BRD1: variants seen among roughly 807,000 people sequenced by gnomAD.
BRD1 encodes the protein bromodomain containing 1.
In BRD1, 24 loss-of-function variants were observed where a neutral mutation model predicts 107.7. The observed-to-expected ratio is 0.22, with a 90% CI of 0.16 to 0.31. The LOEUF (loss-of-function observed/expected upper bound fraction) is 0.31. Among genes scored for constraint, BRD1 ranks in the 10% least tolerant of loss-of-function variants. BRD1 has a pLI of 1.00. For synonymous variants in BRD1, 744 were observed against 686.1 expected (o/e 1.08, Z -1.32); for missense variants, 1,279 against 1,638.6 (o/e 0.78, Z 3.79).
chr22:49,777,196 C>T (rs747925119), intron 9 of BRD1, 35 bp from the exon 10 acceptor site: 3 of 1,606,124 alleles, frequency 1.9e-6, no homozygotes, highest in East Asian at 2.2e-5. Context: ...TCAGGCGCCC[C>T]GCCCCTGCCT....
Position 49,776,170 on chromosome 22 carries a change from G to A in BRD1, c.3122-11C>T, listed in dbSNP as rs375217643. On this transcript the variant is annotated splice_polypyrimidine_tract_variant and intron_variant, in intron 10 of 12. Coordinates refer to ENST00000404760, the MANE Select transcript of BRD1 (RefSeq NM_001304808.3). ...TGCTCTGGCCGACTTCTGCGGAGAG[G>A]GGCGTCAGCAGGACACAGGCGTCAG... 34 of 1,600,910 alleles carry A rather than the reference G, an allele frequency of 2.1e-5. No individual in the cohort carries two copies. Among genetic ancestry groups the A allele is most frequent in the Admixed American group, 3.3e-5 (2 of 59,898 alleles).
In BRD1 at chr22:49,823,780, C is replaced by T. The variant is rs111730431; in HGVS notation, c.538G>A (p.Ala180Thr). Residue 180 changes from alanine (A) to threonine (T), a missense_variant, in exon 2 of 13, where the codon GCC (alanine) becomes ACC (threonine). By Grantham distance (58) the Ala-to-Thr change is moderately conservative (BLOSUM62 0). Coordinates refer to ENST00000404760, the MANE Select transcript of BRD1 (RefSeq NM_001304808.3). ...AACTCAAACATGCTCTGCGACACGG[C>T]GGGGACGCAGTCGCCCTTGCGCTTC... ...NEKRKGDCVP[A>T]VSQSMFEFLM... 1.9e-5 allele frequency: 30 copies of T among 1,614,012 alleles called. No individual in the cohort carries two copies. Among genetic ancestry groups the T allele is most frequent in the South Asian group, 3.3e-5 (3 of 91,094 alleles).
chr22:49,824,461 CCT>C lies in BRD1; in HGVS notation c.-14-132_-14-131del. The C allele has an allele frequency of 6.9e-7, 1 of 1,455,972 alleles. No homozygotes were observed. Among genetic ancestry groups the C allele is most frequent in the South Asian group, 1.4e-5 (1 of 69,594 alleles). 90.2% of individuals were successfully genotyped at this position (1,455,972 alleles called of 1,614,324 possible). A position where few individuals can be genotyped will look rare whatever the true frequency, so the allele number is the denominator to read the frequency against. On this transcript the variant is annotated intron_variant, in intron 1 of 12. Transcript: ENST00000404760. The surrounding 1 kb of genome is among the most constrained non-coding windows in gnomAD (Gnocchi z 5.9). ...CAATCAAAGCAAAACTCACAGCTAACCTCTTTCCAAGGTGTCCAAAACCACAC... is the reference window on the plus strand; with the variant it reads ...CAATCAAAGCAAAACTCACAGCTAACCTTTCCAAGGTGTCCAAAACCACAC...
Position 49,794,256 on chromosome 22 carries a change from C to T in BRD1, c.2137G>A (p.Gly713Ser). The T allele has an allele frequency of 6.2e-7, 1 of 1,613,524 alleles. No homozygotes were observed. The highest frequency in any genetic ancestry group is 8.5e-7 in the Non-Finnish European group (1 of 1,179,628). Residue 713 changes from glycine to serine, a missense_variant, in exon 7 of 13, where the codon GGC (glycine) becomes AGC (serine). Physicochemically the swap from Gly to Ser is moderately conservative, Grantham distance 56. This residue lies in a region of BRD1 where 406 missense variants were observed against 519.4 expected (regional missense o/e 0.78). Transcript: ENST00000404760. ...LLDPANRAHLGLEEQLRELLD... is the reference protein window; with the variant it reads ...LLDPANRAHLSLEEQLRELLD... ...AGCTCTCTCAGCTGCTCCTCCAGGC[C>T]CAGGTGGGCTCTGTTGGCGGGGTCC...
chr22:49,810,370 G>A (rs1410669424), intron 2 of BRD1, among the ~76,000 whole-genome samples: 1 of 152,074 alleles, frequency 6.6e-6, no homozygotes, highest in Non-Finnish European at 1.5e-5. Context: ...ATATATATAT[G>A]TGCACATATA....
At chr22:49,782,572 C>T (rs1199895417) in intron 8 of BRD1, among the ~76,000 whole-genome samples, 1 of 144,402 alleles carries the variant, frequency 6.9e-6, no homozygotes, top group Non-Finnish European at 1.5e-5. Context: ...TGCTGGGACT[C>T]GCTCCGTGAC....
intron 8 of BRD1, among the ~76,000 whole-genome samples, chr22:49,784,572 C>T (rs568807404): frequency 2.6e-5 from 4 of 152,372 alleles, no homozygotes; most frequent in African/African-American, 4.8e-5. Flanking sequence ...TCAGGACCAG[C>T]GACCCTGTTC....
In BRD1 at chr22:49,776,900, C is replaced by T. The variant is rs143250958; in HGVS notation, c.3121+134G>A. ...CCTCGGTGTGTGATGAACCCTTCCC[C>T]GGGAGGTTGGCCAGGGTGGGGCTCC... On this transcript the variant is annotated intron_variant, in intron 10 of 12. Coordinates refer to ENST00000404760, the MANE Select transcript of BRD1 (RefSeq NM_001304808.3). 37 of 1,310,260 alleles carry T rather than the reference C, an allele frequency of 2.8e-5. No homozygotes were observed. The Admixed American group carries it at 4.0e-4, about 14-fold the overall frequency. The allele number at this position is 1,310,260 out of a possible 1,614,324, so 81.2% of individuals were successfully genotyped here. A position where few individuals can be genotyped will look rare whatever the true frequency, so the allele number is the denominator to read the frequency against.
chr22:49,812,688 C>T (rs1032958510), intron 2 of BRD1, among the ~76,000 whole-genome samples: 2 of 152,200 alleles, frequency 1.3e-5, no homozygotes, highest in South Asian at 2.1e-4. Flanking sequence ...ACACTAATGT[C>T]GGGAGGACTC....
chr22:49,797,984 T>C lies in BRD1; in HGVS notation c.1919A>G (p.Lys640Arg), dbSNP rs756372230. 1 of 1,614,246 alleles carries C rather than the reference T, an allele frequency of 6.2e-7. No homozygotes were observed. The highest frequency in any genetic ancestry group is 2.2e-5 in the East Asian group (1 of 44,894). ...GAACACGGTGTCCCTGGCATTGTAC[T>C]TCATGCAGTTATCTATAATGAGATC... is the stretch of plus-strand genomic sequence containing the variant. Reference protein sequence around the residue: ...DFDLIIDNCMKYNARDTVFYR... With the variant: ...DFDLIIDNCMRYNARDTVFYR... The change falls in exon 6 of 13, where the codon AAG becomes AGG. Residue 640 changes from lysine (K) to arginine (R), a missense_variant. Lys to Arg is a conservative substitution (Grantham distance 26, BLOSUM62 2). Coordinates refer to ENST00000404760, the MANE Select transcript of BRD1 (RefSeq NM_001304808.3).
chr22:49,791,665 A>T (rs778971333), intron 7 of BRD1, among the ~76,000 whole-genome samples: 2 of 151,906 alleles, frequency 1.3e-5, no homozygotes, highest in Non-Finnish European at 1.5e-5. Flanking sequence ...TGACTTCCCC[A>T]TTCCAGTCTG....
At chr22:49,796,634 A>G (rs2059537485) in intron 6 of BRD1, among the ~76,000 whole-genome samples, 1 of 152,266 alleles carries the variant, frequency 6.6e-6, no homozygotes, top group Admixed American at 6.5e-5. Flanking sequence ...CTGGGATTAC[A>G]GGCATGAGCC....
At chr22:49,822,357 G>A (rs1248578000) in intron 2 of BRD1, among the ~76,000 whole-genome samples, 1 of 151,854 alleles carries the variant, frequency 6.6e-6, no homozygotes, top group Non-Finnish European at 1.5e-5. Flanking sequence ...CCTGGCAGCA[G>A]AGGTTGCAGA....
Position 49,827,681 on chromosome 22 carries a change from G to A in BRD1, c.-199C>T, listed in dbSNP as rs1240089176. ...CTCCGGGCCCGGCAGCGGCGGCCGCGGACTCTCGGGCAGCGGCTCGCGCGG... is the reference window on the plus strand; with the variant it reads ...CTCCGGGCCCGGCAGCGGCGGCCGCAGACTCTCGGGCAGCGGCTCGCGCGG... On this transcript the variant is annotated 5_prime_UTR_variant, in exon 1 of 13. Transcript: ENST00000404760. Among the ~76,000 whole-genome samples the A allele has an allele frequency of 6.9e-6, 1 of 145,278 alleles. No individual in the cohort carries two copies. The highest frequency in any genetic ancestry group is 1.5e-5 in the Non-Finnish European group (1 of 65,496).
chr22:49,795,935 G>C (rs999578267), intron 6 of BRD1, among the ~76,000 whole-genome samples: 1 of 152,230 alleles, frequency 6.6e-6, no homozygotes, highest in African/African-American at 2.4e-5. Flanking sequence ...CCTGGAGAGC[G>C]CAGCTTCAGA....
At chr22:49,812,878 C>T (rs1297852665) in intron 2 of BRD1, among the ~76,000 whole-genome samples, 2 of 152,154 alleles carry the variant, frequency 1.3e-5, no homozygotes, top group Non-Finnish European at 1.5e-5. Flanking sequence ...GCCCACTGTA[C>T]ACGGACGCAC....
intron 8 of BRD1, among the ~76,000 whole-genome samples, chr22:49,781,723 G>A (rs997837014): frequency 1.3e-5 from 2 of 152,264 alleles, no homozygotes; most frequent in African/African-American, 2.4e-5. Context: ...GAGCCCTGAG[G>A]GCCCCACGCA....
chr22:49,797,707 C>T, intron 6 of BRD1, 98 bp downstream of exon 6: 1 of 1,317,616 alleles, frequency 7.6e-7, no homozygotes, highest in Non-Finnish European at 1.0e-6. Context: ...GCTAGTGGCT[C>T]CCGGACCATG....
Position 49,818,046 on chromosome 22 carries a change from C to T in BRD1, c.1367+4905G>A, listed in dbSNP as rs747128638. Reference sequence around the variant, plus strand: ...ATATCTAGGTATTTAAAGTTCGCCACGTATTTTCACCTGAGTGATGCTTCC... The same window carrying T: ...ATATCTAGGTATTTAAAGTTCGCCATGTATTTTCACCTGAGTGATGCTTCC... On this transcript the variant is annotated intron_variant, in intron 2 of 12. Coordinates refer to ENST00000404760, the MANE Select transcript of BRD1 (RefSeq NM_001304808.3). Among the ~76,000 whole-genome samples the T allele has an allele frequency of 3.3e-5, 5 of 152,324 alleles. No individual in the cohort carries two copies. In the South Asian group the frequency reaches 6.2e-4, roughly 19 times the overall value.
Sources: gnomAD v4.1 joint callset for allele counts (sites outside exome capture counted in the v4.1 genomes callset) on GRCh38, gnomAD v4.1.1 for gene constraint, gnomAD v4.1.1 regional missense constraint, Gnocchi (gnomAD v3.1) non-coding constraint, MANE v1.5 for transcripts, NCBI Gene and HGNC (gene_info 2026-07-23, HGNC 2026-07-21) for gene names.